The following MOK variants were observed in gnomAD, a reference collection of about 807,000 sequenced individuals.
MOK encodes MOK protein kinase.
A neutral mutation model predicts 54.2 loss-of-function variants in MOK; 59 were observed. That is an observed-to-expected ratio of 1.09 (90% CI 0.88 to 1.35). The LOEUF is 1.35. Among genes scored for constraint, MOK ranks in the 40% most tolerant of loss-of-function variants. The pLI is 0.00. For missense variants in MOK, 517 were observed against 526.2 expected (o/e 0.98, Z 0.17); for synonymous variants, 210 against 202.7 (o/e 1.04, Z -0.31).
At chr14:102,280,438 T>C (rs138290283) in intron 2 of MOK, among the ~76,000 whole-genome samples, 19 of 152,262 alleles carry the variant, frequency 1.2e-4, no homozygotes, top group Non-Finnish European at 2.5e-4. Context: ...CTCAAACTCC[T>C]GGGCTCAAGC....
In MOK at chr14:102,232,523, G is replaced by A. The variant is rs772617868; in HGVS notation, c.866+12C>T. 14 of 1,608,564 alleles carry A rather than the reference G, an allele frequency of 8.7e-6. No homozygotes were observed. Among genetic ancestry groups the A allele is most frequent in the Middle Eastern group, 1.7e-4 (1 of 5,868 alleles). ...CCTGCATCTGCCCCACCGAACCCACGAGAGTGCCTACCTCTGTTCTTGGAA... is the reference window on the plus strand; with the variant it reads ...CCTGCATCTGCCCCACCGAACCCACAAGAGTGCCTACCTCTGTTCTTGGAA... On this transcript the variant is annotated intron_variant, in intron 9 of 11. Coordinates refer to ENST00000361847, the MANE Select transcript of MOK (RefSeq NM_014226.3). The surrounding 1 kb of genome is among the most constrained non-coding windows in gnomAD (Gnocchi z 5.1).
intron 1 of MOK, 64 bp from the exon 2 acceptor site, chr14:102,283,656 G>A (rs1372877416): frequency 1.0e-6 from 1 of 975,070 alleles, no homozygotes; most frequent in African/African-American, 1.7e-5. Flanking sequence ...TTCACTTCCA[G>A]ACAGCAAACT....
At chr14:102,219,670 C>T (rs748666608), downstream of MOK, among the ~76,000 whole-genome samples, 16 of 152,222 alleles carry the variant, frequency 1.1e-4, no homozygotes, top group East Asian at 1.9e-4. Flanking sequence ...GGTTTTTCAC[C>T]GGTGGCCAAC....
In MOK at chr14:102,271,566, C is replaced by CT. The variant is rs528872330; in HGVS notation, c.123-5655dup. Among the ~76,000 whole-genome samples the CT allele has an allele frequency of 2.9e-3, 439 of 150,194 alleles. 2 individuals are homozygous for CT. The highest frequency in any genetic ancestry group is 5.1e-3 in the Non-Finnish European group (343 of 67,316). On this transcript the variant is annotated intron_variant, in intron 2 of 11. Coordinates refer to ENST00000361847, the MANE Select transcript of MOK (RefSeq NM_014226.3). Reference sequence around the variant, plus strand: ...CCTTTATACCAAAACCTAACAAAAACTTTTTTTTTTAAGACAGATTCTCGC... The same window carrying CT: ...CCTTTATACCAAAACCTAACAAAAACTTTTTTTTTTTAAGACAGATTCTCGC...
At chr14:102,279,717 T>C (rs1193407610) in intron 2 of MOK, among the ~76,000 whole-genome samples, 1 of 152,094 alleles carries the variant, frequency 6.6e-6, no homozygotes, top group Non-Finnish European at 1.5e-5. Context: ...CTCAGGCAAG[T>C]AACTAACTTC....
At chr14:102,301,218 T>C (rs1223376074) in intron 1 of MOK, among the ~76,000 whole-genome samples, 1 of 152,226 alleles carries the variant, frequency 6.6e-6, no homozygotes, top group South Asian at 2.1e-4. Context: ...CAAGAAGGAC[T>C]GTTGTTCCTT....
At position 102,240,737 on chromosome 14, in the gene MOK, T is replaced by C. The variant is rs1055154567; in HGVS notation, c.591-6948A>G. 6.6e-6 allele frequency: 1 copy of C among 152,276 alleles called. No individual in the cohort carries two copies. The highest frequency in any genetic ancestry group is 2.4e-5 in the African/African-American group (1 of 41,438). 9.4% of individuals were successfully genotyped at this position (152,276 alleles called of 1,614,324 possible). On this transcript the variant is annotated intron_variant, in intron 7 of 11. Coordinates refer to ENST00000361847, the MANE Select transcript of MOK (RefSeq NM_014226.3). This position sits in a 1 kb window ranked among gnomAD's most constrained non-coding sequence, Gnocchi z 5.4. The stretch of plus-strand genomic sequence containing the variant: ...CCTTGGTCATTCACCCACATTCCCT[T>C]GGTGGCAAGTCAACTGCGGGGATGC...
Position 102,232,717 on chromosome 14 carries a change from A to G in MOK, c.693-9T>C. ...AATTCATAGCTCTCGACCTGTATTA[A>G]AAACCCAATGATAATAAATGGTCAT... On this transcript the variant is annotated splice_polypyrimidine_tract_variant and intron_variant, in intron 8 of 11. Coordinates refer to ENST00000361847, the MANE Select transcript of MOK (RefSeq NM_014226.3). This position sits in a 1 kb window ranked among gnomAD's most constrained non-coding sequence, Gnocchi z 5.1. 4 of 1,608,998 alleles carry G rather than the reference A, an allele frequency of 2.5e-6. No homozygotes were observed. Among genetic ancestry groups the G allele is most frequent in the Non-Finnish European group, 3.4e-6 (4 of 1,176,368 alleles).
chr14:102,231,843 TG>T lies in MOK; in HGVS notation c.867-23del. ...TTTCCTACGGGGAAGGAGAAGAGAATGGAGCAGCTCCACTGAGAGCCCGCAG... is the reference window on the plus strand; with the variant it reads ...TTTCCTACGGGGAAGGAGAAGAGAATGAGCAGCTCCACTGAGAGCCCGCAG... On this transcript the variant is annotated intron_variant, in intron 9 of 11. Transcript: ENST00000361847. The surrounding 1 kb of genome is among the most constrained non-coding windows in gnomAD (Gnocchi z 4.4). 6.2e-7 allele frequency: 1 copy of T among 1,602,772 alleles called. No homozygotes were observed.
intron 1 of MOK, among the ~76,000 whole-genome samples, chr14:102,291,952 T>A (rs1317206132): frequency 1.4e-5 from 2 of 142,526 alleles, no homozygotes; most frequent in African/African-American, 5.6e-5. Context: ...AGCAAAACTC[T>A]GTCTCAAAAA....
At chr14:102,251,041 A>G (rs1387127839) in intron 6 of MOK, 51 bp from the exon 7 acceptor site, 2 of 1,583,102 alleles carry the variant, frequency 1.3e-6, no homozygotes, top group Non-Finnish European at 8.6e-7. Context: ...TGTGGCTATC[A>G]TAATACAAAC....
intron 1 of MOK, among the ~76,000 whole-genome samples, chr14:102,293,701 C>CCAA (rs1432616309): frequency 5.5e-5 from 3 of 54,596 alleles, no homozygotes; most frequent in Non-Finnish European, 7.2e-5. Flanking sequence ...AACTCCATCA[C>CCAA]AAAAAAAAAA....
chr14:102,269,891 G>A (rs763918744), intron 2 of MOK, among the ~76,000 whole-genome samples: 7 of 152,140 alleles, frequency 4.6e-5, no homozygotes, highest in Non-Finnish European at 8.8e-5. Context: ...AATCAGTAAA[G>A]ATACAGAAGA....
At chr14:102,272,606 C>T (rs987873612) in intron 2 of MOK, among the ~76,000 whole-genome samples, 16 of 152,006 alleles carry the variant, frequency 1.1e-4, no homozygotes, top group African/African-American at 3.4e-4. Flanking sequence ...ACTGGGAATG[C>T]AAGGTTGAGT....
intron 2 of MOK, among the ~76,000 whole-genome samples, chr14:102,281,941 G>A (rs10143509): frequency 0.83 from 125,646 of 152,204 alleles, 52,932 homozygotes; most frequent in African/African-American, 0.96. Context: ...GTAAACTACC[G>A]TATGCATTGG....
downstream of MOK, chr14:102,225,249 T>TG (rs978706677): frequency 1.7e-4 from 29 of 175,456 alleles, no homozygotes; most frequent in African/African-American, 5.3e-4. Context: ...TTTGTAGAGA[T>TG]GGGGTCTCCT....
chr14:102,251,749 C>G lies in MOK; in HGVS notation c.411+7G>C. ...CTGATACCCAGCTTTCATGTAAAAG[C>G]TCTTACCTTTATTAGTATATTTTCT... is the stretch of plus-strand genomic sequence containing the variant. On this transcript the variant is annotated splice_region_variant and intron_variant, in intron 6 of 11. Coordinates refer to ENST00000361847, the MANE Select transcript of MOK (RefSeq NM_014226.3). 6.4e-7 allele frequency: 1 copy of G among 1,564,990 alleles called. No homozygotes were observed. The highest frequency in any genetic ancestry group is 8.8e-7 in the Non-Finnish European group (1 of 1,137,578).
At chr14:102,220,838 G>A (rs928084196), downstream of MOK, among the ~76,000 whole-genome samples, 1 of 151,834 alleles carries the variant, frequency 6.6e-6, no homozygotes, top group Non-Finnish European at 1.5e-5. The surrounding 1 kb of genome is among the most constrained non-coding windows in gnomAD (Gnocchi z 4.2). Context: ...AGTGGATCGC[G>A]GCTCATTGCA....
chr14:102,271,084 C>T lies in MOK; in HGVS notation c.123-5172G>A, dbSNP rs997705905. On this transcript the variant is annotated intron_variant, in intron 2 of 11. Transcript: ENST00000361847. Reference sequence around the variant, plus strand: ...CCTGCAATCCCCACTACTCAGGAGGCTGAGGCAGGAGAATTGCTTGAACTC... The same window carrying T: ...CCTGCAATCCCCACTACTCAGGAGGTTGAGGCAGGAGAATTGCTTGAACTC... 2.6e-5 allele frequency among the ~76,000 whole-genome samples: 4 copies of T among 152,272 alleles called. No individual in the cohort carries two copies. In the South Asian group the frequency reaches 8.3e-4, roughly 32 times the overall value.
Sources: allele counts gnomAD v4.1 joint callset (sites outside exome capture counted in the v4.1 genomes callset), GRCh38; gene constraint gnomAD v4.1.1; non-coding constraint Gnocchi (gnomAD v3.1); transcripts MANE v1.5; gene names NCBI Gene and HGNC (gene_info 2026-07-23, HGNC 2026-07-21).